Variants in ACAT1 observed in about 807,000 individuals in gnomAD.
ACAT1 encodes the protein acetyl-CoA acetyltransferase 1.
A neutral mutation model predicts 47.3 loss-of-function variants in ACAT1; 28 were observed. That is an observed-to-expected ratio of 0.59 (90% CI 0.44 to 0.81). The LOEUF is 0.81. ACAT1 is among the 30% of genes least tolerant of loss of function. The pLI, the probability that ACAT1 is intolerant of heterozygous loss-of-function variation, is 0.00. For synonymous variants in ACAT1, 181 were observed against 173.6 expected (o/e 1.04, Z -0.34); for missense variants, 469 against 524.3 (o/e 0.89, Z 1.03).
At chr11:108,146,087 C>A in intron 10 of ACAT1, 115 bp from the exon 11 acceptor site, 1 of 994,586 alleles carries the variant, frequency 1.0e-6, no homozygotes, top group Non-Finnish European at 1.5e-6. Context: ...CATCTGAAAC[C>A]AAGAACTTCC....
rs767415362 is a variant in ACAT1, at chr11:108,142,562, C to A, written c.940+12C>A. 2.5e-6 allele frequency: 4 copies of A among 1,601,772 alleles called. No homozygotes were observed. The highest frequency in any genetic ancestry group is 3.4e-6 in the Non-Finnish European group (4 of 1,169,082). Reference sequence around the variant, plus strand: ...GGCAAGAATAGTAGGTAAGGCCAGGCGAGGTGGCTCACACCTGTAATCCCA... The same window carrying A: ...GGCAAGAATAGTAGGTAAGGCCAGGAGAGGTGGCTCACACCTGTAATCCCA... On this transcript the variant is annotated intron_variant, in intron 9 of 11. Coordinates refer to ENST00000265838, the MANE Select transcript of ACAT1 (RefSeq NM_000019.4).
intron 9 of ACAT1, 85 bp from the exon 10 acceptor site, chr11:108,143,898 T>A: frequency 1.3e-6 from 2 of 1,508,236 alleles, no homozygotes; most frequent in Non-Finnish European, 1.8e-6. Context: ...AATGTGCATT[T>A]AATGGGCTAA....
chr11:108,130,121 G>A (rs973609932), intron 1 of ACAT1, among the ~76,000 whole-genome samples: 6 of 151,808 alleles, frequency 4.0e-5, no homozygotes, highest in Non-Finnish European at 8.8e-5. Context: ...TGTTCTAACC[G>A]CTGCTTTTCT....
At chr11:108,119,594 T>C (rs922098919), upstream of ACAT1, among the ~76,000 whole-genome samples, 116 of 152,330 alleles carry the variant, frequency 7.6e-4, 1 homozygote, top group African/African-American at 2.6e-3. Flanking sequence ...TTTAGTTTTC[T>C]GAGTCATTTC....
At chr11:108,134,020 T>C in intron 3 of ACAT1, 83 bp downstream of exon 3, 1 of 1,328,354 alleles carries the variant, frequency 7.5e-7, no homozygotes, top group South Asian at 1.2e-5. Context: ...ACTATGTATG[T>C]AACACTTAGA....
At chr11:108,129,969 T>C (rs1009416698) in intron 1 of ACAT1, among the ~76,000 whole-genome samples, 1 of 152,200 alleles carries the variant, frequency 6.6e-6, no homozygotes, top group African/African-American at 2.4e-5. Context: ...AAATTGCAAC[T>C]GACCCTGCCA....
chr11:108,133,334 A>G (rs2135332577), intron 2 of ACAT1, among the ~76,000 whole-genome samples: 2 of 152,284 alleles, frequency 1.3e-5, no homozygotes, highest in South Asian at 2.1e-4. Context: ...TAACAAGAGT[A>G]AAGTGGCTGA....
At chr11:108,126,947 C>T (rs2077260791) in intron 1 of ACAT1, among the ~76,000 whole-genome samples, 2 of 151,732 alleles carry the variant, frequency 1.3e-5, no homozygotes, top group African/African-American at 4.8e-5. Context: ...CGCGTGCCAC[C>T]ATGCCCTGTT....
At chr11:108,121,808 C>T (rs1438845122) in intron 1 of ACAT1, 130 bp downstream of exon 1, 1 of 1,046,964 alleles carries the variant, frequency 9.6e-7, no homozygotes, top group Non-Finnish European at 1.4e-6. Flanking sequence ...GACAGTCACG[C>T]GACGGGTTCT....
At chr11:108,141,780 G>GC (rs1565294165) in intron 8 of ACAT1, 80 bp downstream of exon 8, 7 of 593,314 alleles carry the variant, frequency 1.2e-5, no homozygotes, top group Non-Finnish European at 1.9e-5. Context: ...TAAGGATTTT[G>GC]AAAAATTCTA....
At chr11:108,127,140 A>C (rs1388140590) in intron 1 of ACAT1, among the ~76,000 whole-genome samples, 1 of 151,098 alleles carries the variant, frequency 6.6e-6, no homozygotes, top group Non-Finnish European at 1.5e-5. Flanking sequence ...TAGGGTTGGA[A>C]ATTGAGAGCT....
chr11:108,120,586 C>G (rs539790136), upstream of ACAT1, among the ~76,000 whole-genome samples: 2 of 152,094 alleles, frequency 1.3e-5, no homozygotes, highest in South Asian at 4.2e-4. Flanking sequence ...AAATAACAAC[C>G]ATTTGTTTTC....
chr11:108,144,009 A>G lies in ACAT1; in HGVS notation c.967A>G (p.Ile323Val), dbSNP rs1282394804. ...VAFADAAVEP[I>V]DFPIAPVYAA... ...ATTTGCTGACGCTGCTGTAGAACCT[A>G]TTGATTTTCCAATTGCTCCTGTATA... is the stretch of plus-strand genomic sequence containing the variant. The change falls in exon 10 of 12, where the codon ATT (isoleucine) becomes GTT (valine). Residue 323 changes from isoleucine to valine, a missense_variant. Physicochemically the swap from Ile to Val is conservative, Grantham distance 29. Coordinates refer to ENST00000265838, the MANE Select transcript of ACAT1 (RefSeq NM_000019.4). 13 of 1,253,182 alleles carry G rather than the reference A, an allele frequency of 1.0e-5. No individual in the cohort carries two copies. The highest frequency in any genetic ancestry group is 1.4e-5 in the Non-Finnish European group (13 of 930,748). 77.6% of individuals were successfully genotyped at this position (1,253,182 alleles called of 1,614,324 possible). A position where few individuals can be genotyped will look rare whatever the true frequency, so the allele number is the denominator to read the frequency against.
At chr11:108,124,232 A>G (rs1226497338) in intron 1 of ACAT1, among the ~76,000 whole-genome samples, 3 of 152,228 alleles carry the variant, frequency 2.0e-5, no homozygotes, top group Admixed American at 6.5e-5. Flanking sequence ...AACAGCCTGT[A>G]TGCTACTTCC....
chr11:108,137,053 T>C (rs1445285973), intron 5 of ACAT1: 1 of 152,204 alleles, frequency 6.6e-6, no homozygotes, highest in East Asian at 1.9e-4. Flanking sequence ...TGACAGGGTG[T>C]CTGGCCTCAA....
chr11:108,132,437 C>T (rs897200855), intron 2 of ACAT1, among the ~76,000 whole-genome samples: 2 of 152,200 alleles, frequency 1.3e-5, no homozygotes, highest in Non-Finnish European at 2.9e-5. Flanking sequence ...TATCTCTAAA[C>T]TTAATAGGAG....
chr11:108,146,527 G>T (rs1316311152), intron 11 of ACAT1, among the ~76,000 whole-genome samples, 168 bp downstream of exon 11: 1 of 152,082 alleles, frequency 6.6e-6, no homozygotes. Context: ...ACAGAGACCT[G>T]TCACATCTGT....
At chr11:108,135,635 G>A (rs964224760) in intron 5 of ACAT1, among the ~76,000 whole-genome samples, 7 of 151,986 alleles carry the variant, frequency 4.6e-5, no homozygotes, top group Non-Finnish European at 7.4e-5. Context: ...GAGGCTGGGG[G>A]CAGATCACAT....
At chr11:108,131,266 T>C (rs543686194) in intron 1 of ACAT1, among the ~76,000 whole-genome samples, 1 of 151,598 alleles carries the variant, frequency 6.6e-6, no homozygotes, top group East Asian at 1.9e-4. Context: ...AATGAAAATA[T>C]CTTGTTAGAT....
Sources: allele counts gnomAD v4.1 joint callset (sites outside exome capture counted in the v4.1 genomes callset), GRCh38; gene constraint gnomAD v4.1.1; transcripts MANE v1.5; gene names NCBI Gene and HGNC (gene_info 2026-07-23, HGNC 2026-07-21).